The following SLMAP variants were observed in gnomAD, a reference collection of about 807,000 sequenced individuals.
SLMAP encodes sarcolemma associated protein.
Under a neutral mutation model 128.8 loss-of-function variants are expected in SLMAP, and 44 were observed. The observed-to-expected ratio is 0.34, with a 90% CI of 0.27 to 0.44. The LOEUF (loss-of-function observed/expected upper bound fraction) is 0.44. Among genes scored for constraint, SLMAP ranks in the 20% least tolerant of loss-of-function variants. SLMAP has a pLI of 1.00. For missense variants in SLMAP, 787 were observed against 985.3 expected, an observed-to-expected ratio of 0.80 and a Z score of 2.69; for synonymous variants, 327 against 348.8, an observed-to-expected ratio of 0.94 and a Z score of 0.70.
intron 4 of SLMAP, among the ~76,000 whole-genome samples, chr3:57,843,204 G>A (rs957832522): frequency 2.1e-5 from 3 of 145,384 alleles, no homozygotes; most frequent in African/African-American, 8.3e-5. Context: ...TCAGAAGATA[G>A]TAAGTACTCA....
At chr3:57,868,466 C>G (rs1442941923) in intron 13 of SLMAP, among the ~76,000 whole-genome samples, 2 of 151,148 alleles carry the variant, frequency 1.3e-5, no homozygotes, top group Admixed American at 6.6e-5. Flanking sequence ...TGGCATGTGC[C>G]TGTAATCCCA....
chr3:57,815,232 G>T (rs1042134555), intron 2 of SLMAP, among the ~76,000 whole-genome samples: 1 of 152,174 alleles, frequency 6.6e-6, no homozygotes, highest in African/African-American at 2.4e-5. Flanking sequence ...CTGACAGGAA[G>T]TGGCGCTCAC....
At chr3:57,762,600 C>A (rs2078903227) in intron 2 of SLMAP, among the ~76,000 whole-genome samples, 1 of 151,952 alleles carries the variant, frequency 6.6e-6, no homozygotes, top group Non-Finnish European at 1.5e-5. Context: ...AAATCATCTT[C>A]TCAGTAATGT....
intron 2 of SLMAP, among the ~76,000 whole-genome samples, chr3:57,774,010 G>T (rs1412574630): frequency 1.3e-5 from 2 of 152,086 alleles, no homozygotes; most frequent in African/African-American, 4.8e-5. Context: ...GAAGTTAAAA[G>T]GATTATGATG....
At chr3:57,867,680 C>A (rs915643401) in intron 13 of SLMAP, among the ~76,000 whole-genome samples, 2 of 152,030 alleles carry the variant, frequency 1.3e-5, no homozygotes, top group African/African-American at 4.8e-5. Flanking sequence ...TAATAATGAA[C>A]CAATTTTCAA....
Position 57,853,972 on chromosome 3 carries a change from TA to T in SLMAP, c.520-3760del, listed in dbSNP as rs1373574177. 8.6e-5 allele frequency among the ~76,000 whole-genome samples: 8 copies of T among 92,886 alleles called. 1 individual carries two copies. The highest frequency in any genetic ancestry group is 3.8e-4 in the African/African-American group (8 of 21,112). 60.9% of individuals were successfully genotyped at this position (92,886 alleles called of 152,430 possible). On this transcript the variant is annotated intron_variant, in intron 6 of 24. Transcript: ENST00000671191. ...AAAAAAAATTATATATATATATATA[TA>T]TATATATATATATATATATATATAT...
At chr3:57,783,214 G>T (rs939892935) in intron 2 of SLMAP, among the ~76,000 whole-genome samples, 3 of 152,194 alleles carry the variant, frequency 2.0e-5, no homozygotes, top group Admixed American at 2.0e-4. Flanking sequence ...TGAGAGCTCC[G>T]AAGAAGGGGA....
intron 14 of SLMAP, among the ~76,000 whole-genome samples, chr3:57,882,955 A>G (rs1040107269): frequency 2.0e-5 from 3 of 150,804 alleles, no homozygotes; most frequent in African/African-American, 4.9e-5. Context: ...GCAAACAACT[A>G]TTATGTGTCA....
At chr3:57,899,670 C>T (rs1190335990) in intron 17 of SLMAP, 2 of 152,026 alleles carry the variant, frequency 1.3e-5, no homozygotes, top group African/African-American at 2.4e-5. Context: ...ACCTCAGCTT[C>T]CCAAGTAGCT....
chr3:57,821,316 G>A (rs1560111514), intron 2 of SLMAP, among the ~76,000 whole-genome samples: 2 of 151,984 alleles, frequency 1.3e-5, no homozygotes, highest in African/African-American at 4.8e-5. Flanking sequence ...GTCACTAGGT[G>A]GAAAAAATCT....
At chr3:57,893,232 C>T (rs2096140820) in intron 15 of SLMAP, among the ~76,000 whole-genome samples, 1 of 151,974 alleles carries the variant, frequency 6.6e-6, no homozygotes. Flanking sequence ...ACAGACATTC[C>T]AGCCTGGGCA....
chr3:57,872,742 C>A (rs2095511677), intron 14 of SLMAP, among the ~76,000 whole-genome samples: 1 of 152,168 alleles, frequency 6.6e-6, no homozygotes, highest in South Asian at 2.1e-4. Context: ...CTGCTTAAAT[C>A]TGTAACAATT....
At chr3:57,798,709 T>C (rs2087403800) in intron 2 of SLMAP, among the ~76,000 whole-genome samples, 1 of 152,330 alleles carries the variant, frequency 6.6e-6, no homozygotes, top group African/African-American at 2.4e-5. Flanking sequence ...TGTAGCCAAA[T>C]GCTGTTAAGA....
chr3:57,836,894 C>T (rs922193034), intron 3 of SLMAP, among the ~76,000 whole-genome samples: 7 of 152,204 alleles, frequency 4.6e-5, no homozygotes, highest in African/African-American at 1.7e-4. Flanking sequence ...CACATTATTA[C>T]AGTAACCCTC....
At chr3:57,834,625 A>T (rs2093531708) in intron 3 of SLMAP, among the ~76,000 whole-genome samples, 1 of 152,106 alleles carries the variant, frequency 6.6e-6, no homozygotes, top group African/African-American at 2.4e-5. Flanking sequence ...AAACAGAGGG[A>T]TTTACAGCTG....
At chr3:57,896,360 G>C in intron 15 of SLMAP, 151 bp from the exon 16 acceptor site, 1 of 1,382,100 alleles carries the variant, frequency 7.2e-7, no homozygotes. Context: ...TTTGGACAAG[G>C]GTGGTGAAGA....
chr3:57,832,936 A>G (rs2093426234), intron 3 of SLMAP, among the ~76,000 whole-genome samples: 1 of 152,244 alleles, frequency 6.6e-6, no homozygotes, highest in Non-Finnish European at 1.5e-5. Context: ...ATATATGACC[A>G]TACTGGGAAC....
chr3:57,886,952 T>C (rs1426623812), intron 14 of SLMAP, among the ~76,000 whole-genome samples: 1 of 152,082 alleles, frequency 6.6e-6, no homozygotes, highest in Non-Finnish European at 1.5e-5. Flanking sequence ...AAATGCTTAA[T>C]GGGTATAGGG....
Position 57,831,475 on chromosome 3 carries a change from T to A in SLMAP, c.291T>A (p.Ile97=). 1 of 1,598,726 alleles carries A rather than the reference T, an allele frequency of 6.3e-7. No homozygotes were observed. The highest frequency in any genetic ancestry group is 8.5e-7 in the Non-Finnish European group (1 of 1,171,834). Residue 97 remains isoleucine, a synonymous_variant, in exon 3 of 25, where the codon ATT becomes ATA. Transcript: ENST00000671191. The stretch of plus-strand genomic sequence containing the variant: ...CTGAAGAAAGTCCACCATGTGAAAT[T>A]CTTTCCGGTGACATTATCCAGTTTG... ...RGSEESPPCE[I]LSGDIIQFGV...
Sources: allele counts gnomAD v4.1 joint callset (sites outside exome capture counted in the v4.1 genomes callset), GRCh38; gene constraint gnomAD v4.1.1; transcripts MANE v1.5; gene names NCBI Gene and HGNC (gene_info 2026-07-23, HGNC 2026-07-21).